Variants in CLSTN2 observed in about 807,000 individuals in gnomAD.
CLSTN2 encodes the protein calsyntenin-2.
A neutral mutation model predicts 101.2 loss-of-function variants in CLSTN2; 48 were observed. That is an observed-to-expected ratio of 0.47 (90% CI 0.38 to 0.60). CLSTN2 has a LOEUF of 0.60. Ranked by LOEUF, CLSTN2 falls within the 20% of genes least tolerant of loss-of-function variation. CLSTN2 has a pLI of 0.00. For missense variants in CLSTN2, 1,160 were observed against 1,238.2 expected, an observed-to-expected ratio of 0.94 and a Z score of 0.95; for synonymous variants, 481 against 463.6, an observed-to-expected ratio of 1.04 and a Z score of -0.48.
chr3:140,407,121 C>T (rs1289712887), intron 4 of CLSTN2, among the ~76,000 whole-genome samples: 1 of 152,180 alleles, frequency 6.6e-6, no homozygotes, highest in Non-Finnish European at 1.5e-5. Context: ...GAAGCAGGAC[C>T]TAGGGGCAGA....
chr3:140,100,749 G>A (rs1300085801), intron 1 of CLSTN2, among the ~76,000 whole-genome samples: 1 of 152,244 alleles, frequency 6.6e-6, no homozygotes, highest in Non-Finnish European at 1.5e-5. Flanking sequence ...TGAGGCTCAC[G>A]TTCTAACACG....
intron 4 of CLSTN2, among the ~76,000 whole-genome samples, chr3:140,420,175 T>C (rs2088484890): frequency 6.6e-6 from 1 of 152,028 alleles, no homozygotes; most frequent in African/African-American, 2.4e-5. Context: ...ATTACAGACG[T>C]GAACCACTGC....
chr3:139,935,355 C>A lies in CLSTN2; in HGVS notation c.-20C>A. The A allele has an allele frequency of 8.3e-7, 1 of 1,203,356 alleles. No homozygotes were observed. Among genetic ancestry groups the A allele is most frequent in the Non-Finnish European group, 1.0e-6 (1 of 963,502 alleles). 74.5% of individuals were successfully genotyped at this position (1,203,356 alleles called of 1,614,324 possible). On this transcript the variant is annotated 5_prime_UTR_variant, in exon 1 of 17. Coordinates refer to ENST00000458420, the MANE Select transcript of CLSTN2 (RefSeq NM_022131.3). The surrounding 1 kb of genome is among the most constrained non-coding windows in gnomAD (Gnocchi z 5.5). ...CGGACAGTAGGCGGCGGCTGCAGCT[C>A]GTTGGCGGCTGCTGCGAGGATGCTG...
intron 2 of CLSTN2, among the ~76,000 whole-genome samples, chr3:140,211,497 A>G (rs2010854626): frequency 6.8e-6 from 1 of 146,760 alleles, no homozygotes; most frequent in South Asian, 2.2e-4. Context: ...TTGCTCTCAG[A>G]TTTTTTAAAC....
At chr3:140,257,037 C>G (rs1331920140) in intron 2 of CLSTN2, among the ~76,000 whole-genome samples, 1 of 152,092 alleles carries the variant, frequency 6.6e-6, no homozygotes, top group Non-Finnish European at 1.5e-5. Flanking sequence ...GCTTGTAATC[C>G]CAGCACTTTG....
Position 140,296,785 on chromosome 3 carries a change from T to C in CLSTN2, c.233-106844T>C, listed in dbSNP as rs1482139083. 5.3e-5 allele frequency among the ~76,000 whole-genome samples: 8 copies of C among 152,242 alleles called. No homozygotes were observed. In the East Asian group the frequency reaches 1.2e-3, roughly 22 times the overall value. On this transcript the variant is annotated intron_variant, in intron 2 of 16. Coordinates refer to ENST00000458420, the MANE Select transcript of CLSTN2 (RefSeq NM_022131.3). ...TCTAATCATAGCAAAGGCTATATTG[T>C]CACATTCGTTTTTCTGTTAGTTCCT...
intron 1 of CLSTN2, among the ~76,000 whole-genome samples, chr3:140,138,584 A>G (rs576984089): frequency 1.3e-5 from 2 of 152,356 alleles, no homozygotes; most frequent in South Asian, 4.1e-4. Flanking sequence ...AAACTCATCA[A>G]GAATTAGAAG....
At chr3:140,420,180 C>A (rs959925383) in intron 4 of CLSTN2, among the ~76,000 whole-genome samples, 4 of 151,708 alleles carry the variant, frequency 2.6e-5, no homozygotes, top group African/African-American at 9.7e-5. Context: ...AGACGTGAAC[C>A]ACTGCACCCA....
At chr3:140,302,502 A>G (rs552245824) in intron 2 of CLSTN2, among the ~76,000 whole-genome samples, 1 of 152,200 alleles carries the variant, frequency 6.6e-6, no homozygotes, top group Non-Finnish European at 1.5e-5. Flanking sequence ...TGTAATTTAG[A>G]TGCTTATTAA....
chr3:140,282,193 A>C (rs2086853922), intron 2 of CLSTN2, among the ~76,000 whole-genome samples: 1 of 152,186 alleles, frequency 6.6e-6, no homozygotes, highest in Non-Finnish European at 1.5e-5. Context: ...TGAATGGTTT[A>C]TTCTTACAAA....
At chr3:140,238,095 A>G (rs2086431841) in intron 2 of CLSTN2, among the ~76,000 whole-genome samples, 9 of 152,170 alleles carry the variant, frequency 5.9e-5, no homozygotes, top group Admixed American at 5.9e-4. Context: ...GTGTTCAGAG[A>G]TAATCATGGA....
At chr3:140,425,619 C>A (rs2088558568) in intron 5 of CLSTN2, among the ~76,000 whole-genome samples, 1 of 152,206 alleles carries the variant, frequency 6.6e-6, no homozygotes, top group Admixed American at 6.5e-5. Flanking sequence ...TAAGCATGAA[C>A]TAAAAGTGTG....
At chr3:139,958,007 T>G (rs1935442270) in intron 1 of CLSTN2, among the ~76,000 whole-genome samples, 1 of 152,202 alleles carries the variant, frequency 6.6e-6, no homozygotes. Context: ...TGAAAGCAGC[T>G]GTGAGGCCCC....
Sources: allele counts gnomAD v4.1 joint callset (sites outside exome capture counted in the v4.1 genomes callset), GRCh38; gene constraint gnomAD v4.1.1; non-coding constraint Gnocchi (gnomAD v3.1); transcripts MANE v1.5; gene names NCBI Gene and HGNC (gene_info 2026-07-23, HGNC 2026-07-21).